Variants in FGF10 observed in about 807,000 individuals in gnomAD.
FGF10 encodes the protein FGF-10.
In FGF10, 2 loss-of-function variants were observed where a neutral mutation model predicts 19.8. The observed-to-expected ratio is 0.10, with a 90% CI of 0.04 to 0.32. The LOEUF (loss-of-function observed/expected upper bound fraction) is 0.32. FGF10 is among the 10% of genes least tolerant of loss of function. The pLI is 1.00. For synonymous variants in FGF10, 112 were observed against 94.0 expected (o/e 1.19, Z -1.10); for missense variants, 191 against 246.3 (o/e 0.78, Z 1.50).
intron 1 of FGF10, among the ~76,000 whole-genome samples, chr5:44,335,918 G>A (rs1000462756): frequency 6.6e-6 from 1 of 151,852 alleles, no homozygotes; most frequent in Admixed American, 6.6e-5. Flanking sequence ...CTTCAACAGA[G>A]GTCTAACAAA....
chr5:44,354,464 CT>C (rs1741303031), intron 1 of FGF10, among the ~76,000 whole-genome samples: 1 of 151,414 alleles, frequency 6.6e-6, no homozygotes, highest in African/African-American at 2.4e-5. Flanking sequence ...GTTATGTGGG[CT>C]TTTTTAGGTC....
intron 1 of FGF10, among the ~76,000 whole-genome samples, chr5:44,343,796 C>T (rs73752007): frequency 2.0e-5 from 3 of 151,834 alleles, no homozygotes; most frequent in African/African-American, 7.3e-5. Context: ...TTTATGGCAA[C>T]AGATATTGGC....
intron 1 of FGF10, among the ~76,000 whole-genome samples, chr5:44,356,085 C>G (rs1043394629): frequency 6.6e-6 from 1 of 151,432 alleles, no homozygotes; most frequent in Admixed American, 6.6e-5. Flanking sequence ...GGTCAGCCAA[C>G]AGGGGCAATA....
Position 44,304,364 on chromosome 5 carries a change from ATAACT to A in FGF10, c.*626_*630del, listed in dbSNP as rs1366839996. 4 of 152,616 alleles carry A rather than the reference ATAACT, an allele frequency of 2.6e-5. No individual in the cohort carries two copies. The highest frequency in any genetic ancestry group is 9.6e-5 in the African/African-American group (4 of 41,478). 9.5% of individuals were successfully genotyped at this position (152,616 alleles called of 1,614,324 possible). A position where few individuals can be genotyped will look rare whatever the true frequency, so the allele number is the denominator to read the frequency against. On this transcript the variant is annotated 3_prime_UTR_variant, in exon 3 of 3. Coordinates refer to ENST00000264664, the MANE Select transcript of FGF10 (RefSeq NM_004465.2). ...AGATATTTAACATCCTATTAAATAA[ATAACT>A]TAGAAAGAAATAGAAAGGGATGAAG... is the stretch of plus-strand genomic sequence containing the variant.
chr5:44,349,447 T>G (rs1215819807), intron 1 of FGF10, among the ~76,000 whole-genome samples: 5 of 15,454 alleles, frequency 3.2e-4, no homozygotes, highest in African/African-American at 7.6e-4. Flanking sequence ...TATATATATA[T>G]ATATATATAT....
chr5:44,322,023 A>G (rs1312588313), intron 1 of FGF10, among the ~76,000 whole-genome samples: 1 of 152,118 alleles, frequency 6.6e-6, no homozygotes, highest in Admixed American at 6.6e-5. Context: ...TTAGCCTCCC[A>G]AAGTGCTGGG....
At chr5:44,307,476 GA>G (rs1740106222) in intron 2 of FGF10, among the ~76,000 whole-genome samples, 3 of 146,688 alleles carry the variant, frequency 2.0e-5, no homozygotes, top group Admixed American at 6.7e-5. Context: ...CATCAGTCAG[GA>G]GAAAACTCAA....
chr5:44,309,415 G>C (rs1004004525), intron 2 of FGF10, among the ~76,000 whole-genome samples: 1 of 152,036 alleles, frequency 6.6e-6, no homozygotes, highest in Non-Finnish European at 1.5e-5. Flanking sequence ...CTTTATTATA[G>C]GGCTGCTTTG....
chr5:44,365,020 C>T (rs1296693810), intron 1 of FGF10, among the ~76,000 whole-genome samples: 2 of 151,842 alleles, frequency 1.3e-5, no homozygotes, highest in Non-Finnish European at 2.9e-5. Flanking sequence ...TAGCCAAACA[C>T]TAGAATTGGA....
intron 1 of FGF10, among the ~76,000 whole-genome samples, chr5:44,387,193 C>T (rs898719578): frequency 6.6e-6 from 1 of 152,198 alleles, no homozygotes; most frequent in Non-Finnish European, 1.5e-5. Context: ...AGTCTCACCA[C>T]TTGAAAGTAT....
chr5:44,361,598 C>A (rs1741484104), intron 1 of FGF10, among the ~76,000 whole-genome samples: 1 of 151,650 alleles, frequency 6.6e-6, no homozygotes, highest in Non-Finnish European at 1.5e-5. Context: ...CTGGAATTAT[C>A]TCTGCAGATA....
At chr5:44,305,818 G>A (rs1740063867) in intron 2 of FGF10, among the ~76,000 whole-genome samples, 1 of 152,098 alleles carries the variant, frequency 6.6e-6, no homozygotes, top group African/African-American at 2.4e-5. Context: ...GATTTTGCTC[G>A]TGAACTCTAG....
chr5:44,321,771 C>T (rs1260599903), intron 1 of FGF10, among the ~76,000 whole-genome samples: 1 of 151,996 alleles, frequency 6.6e-6, no homozygotes, highest in Non-Finnish European at 1.5e-5. Context: ...CACATCTTCT[C>T]TTTTTTTTGA....
intron 1 of FGF10, among the ~76,000 whole-genome samples, chr5:44,380,906 G>C (rs917414071): frequency 6.6e-6 from 1 of 152,166 alleles, no homozygotes; most frequent in Admixed American, 6.5e-5. Flanking sequence ...CCTGAGCCCA[G>C]CAGGTTGAGG....
At chr5:44,387,378 T>C (rs775029692) in intron 1 of FGF10, among the ~76,000 whole-genome samples, 3 of 152,088 alleles carry the variant, frequency 2.0e-5, no homozygotes, top group Admixed American at 2.0e-4. Flanking sequence ...AAGACCAAAA[T>C]GTAGGGATCC....
chr5:44,361,029 A>C (rs1741470019), intron 1 of FGF10, among the ~76,000 whole-genome samples: 1 of 151,756 alleles, frequency 6.6e-6, no homozygotes, highest in African/African-American at 2.4e-5. Flanking sequence ...TGACCCAATA[A>C]AGAATTCAAA....
chr5:44,386,975 G>A (rs773137793), intron 1 of FGF10, among the ~76,000 whole-genome samples: 10 of 152,162 alleles, frequency 6.6e-5, no homozygotes, highest in Non-Finnish European at 1.2e-4. Flanking sequence ...TTTGACTGAC[G>A]TATTTAAGTT....
intron 1 of FGF10, among the ~76,000 whole-genome samples, chr5:44,350,035 TAAAC>T (rs1395187106): frequency 8.6e-5 from 13 of 150,826 alleles, no homozygotes; most frequent in Non-Finnish European, 7.4e-5. Flanking sequence ...TTTTTAAAAT[TAAAC>T]AAACACACAC....
chr5:44,384,682 A>G (rs931881258), intron 1 of FGF10, among the ~76,000 whole-genome samples: 3 of 152,108 alleles, frequency 2.0e-5, no homozygotes, highest in Non-Finnish European at 2.9e-5. Context: ...TTTCAGTATG[A>G]GTTTTCAAAT....
Sources: gnomAD v4.1 joint callset for allele counts (sites outside exome capture counted in the v4.1 genomes callset) on GRCh38, gnomAD v4.1.1 for gene constraint, MANE v1.5 for transcripts, NCBI Gene and HGNC (gene_info 2026-07-23, HGNC 2026-07-21) for gene names.